LOXL3: variants seen among roughly 807,000 people sequenced by gnomAD.
LOXL3 encodes lysyl oxidase homolog 3.
A neutral mutation model predicts 91.8 loss-of-function variants in LOXL3; 60 were observed. The observed-to-expected ratio is 0.65, with a 90% CI of 0.53 to 0.81. LOXL3 has a LOEUF of 0.81. LOXL3 is among the 30% of genes least tolerant of loss of function. The pLI, the probability that LOXL3 is intolerant of heterozygous loss-of-function variation, is 0.00. For missense variants in LOXL3, 874 were observed against 1,000.4 expected (o/e 0.87, Z 1.70); for synonymous variants, 355 against 387.6 (o/e 0.92, Z 0.99).
chr2:74,533,720 AG>A (rs1192733263), intron 13 of LOXL3, 41 bp from the exon 14 acceptor site: 1 of 1,583,110 alleles, frequency 6.3e-7, no homozygotes, highest in Non-Finnish European at 8.7e-7. Context: ...CCCTGCACAG[AG>A]GGAGGGAGAT....
At chr2:74,554,105 G>A, upstream of LOXL3, 1 of 151,838 alleles carries the variant, frequency 6.6e-6, no homozygotes, top group Non-Finnish European at 1.5e-5. This position sits in a 1 kb window ranked among gnomAD's most constrained non-coding sequence, Gnocchi z 4.9. Flanking sequence ...CTCCCTCCCC[G>A]TGGAGCTGGC....
intron 4 of LOXL3, among the ~76,000 whole-genome samples, chr2:74,544,783 G>A (rs1174710699): frequency 6.6e-6 from 1 of 152,038 alleles, no homozygotes; most frequent in African/African-American, 2.4e-5. Flanking sequence ...GGAGGGGAGA[G>A]TTGTTTACAA....
At chr2:74,548,940 CCCCGGACCCTGGGCG>C in intron 4 of LOXL3, 1 of 152,202 alleles carries the variant, frequency 6.6e-6, no homozygotes, top group Non-Finnish European at 1.5e-5. Flanking sequence ...GTCCCCGGGC[CCCCGGACCCTGGGCG>C]CCCAGCCTGC....
intron 4 of LOXL3, among the ~76,000 whole-genome samples, chr2:74,544,123 G>A (rs188286553): frequency 1.9e-4 from 29 of 152,022 alleles, no homozygotes; most frequent in Admixed American, 3.9e-4. Context: ...GGCGAGCATG[G>A]TGAAACCTCG....
At position 74,536,207 on chromosome 2, in the gene LOXL3, G is replaced by A; in HGVS notation, c.1094-57C>T. On this transcript the variant is annotated intron_variant, in intron 6 of 13. Coordinates refer to ENST00000264094, the MANE Select transcript of LOXL3 (RefSeq NM_032603.5). This position sits in a 1 kb window ranked among gnomAD's most constrained non-coding sequence, Gnocchi z 4.5. ...TAATTAAGCATATATTGTCTGCCCAGGGGACACCTAACCTTCCGAAGGAAT... is the reference window on the plus strand; with the variant it reads ...TAATTAAGCATATATTGTCTGCCCAAGGGACACCTAACCTTCCGAAGGAAT... 6 of 1,611,766 alleles carry A rather than the reference G, an allele frequency of 3.7e-6. No homozygotes were observed. The highest frequency in any genetic ancestry group is 3.3e-5 in the South Asian group (3 of 91,072).
Position 74,532,544 on chromosome 2 carries a change from T to G in LOXL3, c.*1062A>C. The G allele has an allele frequency of 1.6e-5, 18 of 1,110,182 alleles. No individual in the cohort carries two copies. Among genetic ancestry groups the G allele is most frequent in the Non-Finnish European group, 2.5e-5 (18 of 733,272 alleles). 68.8% of individuals were successfully genotyped at this position (1,110,182 alleles called of 1,614,324 possible). ...GTCCATATATTTATCAATGTGTTGA[T>G]GAGAGACTTGAGGTGGAACTCAGGA... On this transcript the variant is annotated 3_prime_UTR_variant, in exon 14 of 14. Transcript: ENST00000264094.
Position 74,532,791 on chromosome 2 carries a change from C to A in LOXL3, c.*815G>T. 6.2e-7 allele frequency: 1 copy of A among 1,614,002 alleles called. No individual in the cohort carries two copies. The highest frequency in any genetic ancestry group is 8.5e-7 in the Non-Finnish European group (1 of 1,179,960). On this transcript the variant is annotated 3_prime_UTR_variant, in exon 14 of 14. Transcript: ENST00000264094. The stretch of plus-strand genomic sequence containing the variant: ...CCTTGAACTAGGCTTTGTACTCCTT[C>A]CTTTCTCTCTGTCCATTTTTCTCTA...
In LOXL3 at chr2:74,535,241, G is replaced by A; in HGVS notation, c.1579+51C>T. 1 of 1,563,066 alleles carries A rather than the reference G, an allele frequency of 6.4e-7. No homozygotes were observed. The highest frequency in any genetic ancestry group is 8.7e-7 in the Non-Finnish European group (1 of 1,153,748). ...TACAGCCCCCTTTCCCTGCAAACGG[G>A]TGGCCCAGACACTCCCTTCCCTGGC... is the stretch of plus-strand genomic sequence containing the variant. On this transcript the variant is annotated intron_variant, in intron 9 of 13. Transcript: ENST00000264094. This position sits in a 1 kb window ranked among gnomAD's most constrained non-coding sequence, Gnocchi z 4.2.
At position 74,534,662 on chromosome 2, in the gene LOXL3, T is replaced by A; in HGVS notation, c.1692A>T (p.Ser564=). ...CAAEENCLAS[S]ARSANWPYGH... ...CATAGGGCCAGTTGGCTGAGCGGGC[T>A]GAGCTGGCCAGGCAGTTCTCTTCCG... The change falls in exon 10 of 14, where the codon TCA becomes TCT. Residue 564 remains serine, a synonymous_variant. Coordinates refer to ENST00000264094, the MANE Select transcript of LOXL3 (RefSeq NM_032603.5). The A allele has an allele frequency of 1.2e-6, 2 of 1,614,204 alleles. No homozygotes were observed. The highest frequency in any genetic ancestry group is 2.2e-5 in the South Asian group (2 of 91,084).
chr2:74,537,850 C>G (rs1306086046), intron 4 of LOXL3, among the ~76,000 whole-genome samples: 1 of 152,146 alleles, frequency 6.6e-6, no homozygotes, highest in Non-Finnish European at 1.5e-5. Context: ...GTGAAGTACA[C>G]TCTGCCCGCA....
chr2:74,540,338 C>T (rs1052938387), intron 4 of LOXL3, among the ~76,000 whole-genome samples: 1 of 152,160 alleles, frequency 6.6e-6, no homozygotes, highest in African/African-American at 2.4e-5. Context: ...AGGGGAGCAT[C>T]GTTAGGATTG....
chr2:74,536,543 A>G lies in LOXL3; in HGVS notation c.913-72T>C. On this transcript the variant is annotated intron_variant, in intron 5 of 13. Coordinates refer to ENST00000264094, the MANE Select transcript of LOXL3 (RefSeq NM_032603.5). This position sits in a 1 kb window ranked among gnomAD's most constrained non-coding sequence, Gnocchi z 4.5. Reference sequence around the variant, plus strand: ...ACGGAGGGCTAAGCAGACCTGGGAGATGAGTGAGACTTTGGTGGAAGGGAG... The same window carrying G: ...ACGGAGGGCTAAGCAGACCTGGGAGGTGAGTGAGACTTTGGTGGAAGGGAG... The G allele has an allele frequency of 1.3e-6, 2 of 1,520,716 alleles. No homozygotes were observed. The highest frequency in any genetic ancestry group is 2.4e-5 in the South Asian group (2 of 82,232). 94.2% of individuals were successfully genotyped at this position (1,520,716 alleles called of 1,614,324 possible).
rs940503689 is a variant in LOXL3, at chr2:74,532,294, G to A, written c.*1312C>T. On this transcript the variant is annotated 3_prime_UTR_variant, in exon 14 of 14. Coordinates refer to ENST00000264094, the MANE Select transcript of LOXL3 (RefSeq NM_032603.5). ...CATGTTTTTTATTTATGCTGTTCTT[G>A]TTTTATATGGTTAATATCAGATCCA... 1 of 475,952 alleles carries A rather than the reference G, an allele frequency of 2.1e-6. No individual in the cohort carries two copies. Among genetic ancestry groups the A allele is most frequent in the Non-Finnish European group, 3.8e-6 (1 of 260,994 alleles). The allele number at this position is 475,952 out of a possible 1,614,324, so 29.5% of individuals were successfully genotyped here. A position where few individuals can be genotyped will look rare whatever the true frequency, so the allele number is the denominator to read the frequency against.
chr2:74,554,751 G>A (rs781132302), upstream of LOXL3: 5 of 1,612,466 alleles, frequency 3.1e-6, no homozygotes, highest in South Asian at 5.5e-5. The surrounding 1 kb of genome is among the most constrained non-coding windows in gnomAD (Gnocchi z 4.9). Context: ...AACCGCCGGG[G>A]GCCATGGACG....
At position 74,536,514 on chromosome 2, in the gene LOXL3, C is replaced by G. The variant is rs1314262755; in HGVS notation, c.913-43G>C. ...GCCCAACAGAGGCAAATGGCAACAT[C>G]TGCACGGAGGGCTAAGCAGACCTGG... On this transcript the variant is annotated intron_variant, in intron 5 of 13. Transcript: ENST00000264094. The surrounding 1 kb of genome is among the most constrained non-coding windows in gnomAD (Gnocchi z 4.5). The G allele has an allele frequency of 6.3e-7, 1 of 1,581,158 alleles. No individual in the cohort carries two copies. Among genetic ancestry groups the G allele is most frequent in the Non-Finnish European group, 8.6e-7 (1 of 1,160,806 alleles).
At position 74,536,634 on chromosome 2, in the gene LOXL3, G is replaced by A. The variant is rs1676039201; in HGVS notation, c.912+75C>T. 5 of 1,531,634 alleles carry A rather than the reference G, an allele frequency of 3.3e-6. No homozygotes were observed. The highest frequency in any genetic ancestry group is 1.7e-4 in the Middle Eastern group (1 of 5,830). The allele number at this position is 1,531,634 out of a possible 1,614,324, so 94.9% of individuals were successfully genotyped here. On this transcript the variant is annotated intron_variant, in intron 5 of 13. Coordinates refer to ENST00000264094, the MANE Select transcript of LOXL3 (RefSeq NM_032603.5). The surrounding 1 kb of genome is among the most constrained non-coding windows in gnomAD (Gnocchi z 4.5). ...CTCTCTGTCCTCAAAGGTCAGGGCT[G>A]TGCTTAGTCTGGGGTTGCCAGGCTA...
At chr2:74,554,988 C>A, upstream of LOXL3, 2 of 1,392,590 alleles carry the variant, frequency 1.4e-6, no homozygotes, top group Non-Finnish European at 2.0e-6. The surrounding 1 kb of genome is among the most constrained non-coding windows in gnomAD (Gnocchi z 4.9). Flanking sequence ...TCTAGGGGTT[C>A]TGGTCCTGGG....
At chr2:74,543,900 C>CAAAAAAAAAAAAA (rs960168777) in intron 4 of LOXL3, among the ~76,000 whole-genome samples, 2 of 65,162 alleles carry the variant, frequency 3.1e-5, no homozygotes, top group African/African-American at 1.1e-4. Flanking sequence ...GGCTCTGTCT[C>CAAAAAAAAAAAAA]AAAAAAAAAA....
At chr2:74,538,683 C>T (rs1042435654) in intron 4 of LOXL3, among the ~76,000 whole-genome samples, 6 of 152,172 alleles carry the variant, frequency 3.9e-5, no homozygotes, top group Non-Finnish European at 8.8e-5. Flanking sequence ...CTGAGTTTCC[C>T]TCCATCTCGA....
Sources: gnomAD v4.1 joint callset for allele counts (sites outside exome capture counted in the v4.1 genomes callset) on GRCh38, gnomAD v4.1.1 for gene constraint, Gnocchi (gnomAD v3.1) non-coding constraint, MANE v1.5 for transcripts, NCBI Gene and HGNC (gene_info 2026-07-23, HGNC 2026-07-21) for gene names.